The following ITGAM variants were observed in gnomAD, a reference collection of about 807,000 sequenced individuals.
The protein encoded by ITGAM is integrin alpha-M.
ITGAM carries 79 observed loss-of-function variants against 137.5 expected under a neutral mutation model. The ratio of observed to expected loss-of-function variants is 0.57; its 90% confidence interval spans 0.48 to 0.69. The LOEUF (loss-of-function observed/expected upper bound fraction) is 0.69, where lower values mean the gene tolerates loss of function less well. ITGAM is among the 30% of genes least tolerant of loss of function. The pLI, the probability that ITGAM is intolerant of heterozygous loss-of-function variation, is 0.00. For missense variants in ITGAM, 1,343 were observed against 1,483.5 expected, an observed-to-expected ratio of 0.91 and a Z score of 1.56; for synonymous variants, 583 against 592.3, an observed-to-expected ratio of 0.98 and a Z score of 0.23.
chr16:31,278,064 G>T lies in ITGAM; in HGVS notation c.1311G>T (p.Gln437His). The change falls in exon 12 of 30, where the codon CAG becomes CAT. Residue 437 changes from glutamine to histidine, a missense_variant. Physicochemically the swap from Gln to His is conservative, Grantham distance 24. Coordinates refer to ENST00000544665, the MANE Select transcript of ITGAM (RefSeq NM_000632.4). ...TCGGCCTGGTAGCGATGTTCAGGCAGAACACTGGCATGTGGGAGTCCAACG... is the reference window on the plus strand; with the variant it reads ...TCGGCCTGGTAGCGATGTTCAGGCATAACACTGGCATGTGGGAGTCCAACG... ...QHIGLVAMFRQNTGMWESNAN... is the reference protein window; with the variant it reads ...QHIGLVAMFRHNTGMWESNAN... The T allele has an allele frequency of 6.2e-7, 1 of 1,608,610 alleles. No homozygotes were observed. Among genetic ancestry groups the T allele is most frequent in the Non-Finnish European group, 8.5e-7 (1 of 1,177,618 alleles).
intron 8 of ITGAM, among the ~76,000 whole-genome samples, chr16:31,274,069 T>TC (rs2079880223): frequency 1.3e-5 from 2 of 152,184 alleles, no homozygotes; most frequent in Admixed American, 6.6e-5. Context: ...GATAACCAGG[T>TC]CCATGCAGGT....
chr16:31,282,703 A>G (rs1396722161), intron 12 of ITGAM, among the ~76,000 whole-genome samples: 1 of 152,202 alleles, frequency 6.6e-6, no homozygotes, highest in Non-Finnish European at 1.5e-5. Flanking sequence ...TAATTGGAGC[A>G]TTGAGCCCAT....
At chr16:31,317,129 A>T (rs1306595284) in intron 14 of ITGAM, among the ~76,000 whole-genome samples, 1 of 152,104 alleles carries the variant, frequency 6.6e-6, no homozygotes, top group Non-Finnish European at 1.5e-5. Flanking sequence ...GACTTTCAGT[A>T]CTGTGTTGAA....
At chr16:31,266,470 T>G (rs1057304648) in intron 5 of ITGAM, among the ~76,000 whole-genome samples, 1 of 150,194 alleles carries the variant, frequency 6.7e-6, no homozygotes. Flanking sequence ...ACCTGTAGTC[T>G]TAGCTATTTG....
Position 31,326,915 on chromosome 16 carries a change from C to T in ITGAM, c.2688C>T (p.Leu896=). 1.9e-6 allele frequency: 3 copies of T among 1,613,130 alleles called. No homozygotes were observed. The highest frequency in any genetic ancestry group is 1.1e-5 in the South Asian group (1 of 91,076). The change falls in exon 22 of 30, where the codon CTC becomes CTT. Residue 896 remains leucine (L), a synonymous_variant. Transcript: ENST00000544665. ...DSKASLGNKL[L]LKANVTSENN... Reference sequence around the variant, plus strand: ...AGGCTTCCCTTGGAAACAAACTGCTCCTCAAGGCCAATGTGACCAGGTGCT... The same window carrying T: ...AGGCTTCCCTTGGAAACAAACTGCTTCTCAAGGCCAATGTGACCAGGTGCT...
At chr16:31,325,726 C>T (rs2080502279) in intron 21 of ITGAM, 104 bp downstream of exon 21, 1 of 1,367,102 alleles carries the variant, frequency 7.3e-7, no homozygotes, top group East Asian at 2.4e-5. Flanking sequence ...TACAAAACAG[C>T]TTTATTGAGA....
chr16:31,323,440 A>G (rs1223522955), intron 16 of ITGAM, among the ~76,000 whole-genome samples: 2 of 151,988 alleles, frequency 1.3e-5, no homozygotes, highest in Non-Finnish European at 2.9e-5. Flanking sequence ...AAAAAAAAAA[A>G]AAATTCCCCA....
At chr16:31,329,749 C>T (rs1161227823) in intron 24 of ITGAM, 49 bp from the exon 25 acceptor site, 1 of 1,486,260 alleles carries the variant, frequency 6.7e-7, no homozygotes, top group Non-Finnish European at 9.2e-7. Flanking sequence ...ATTCTCCAGG[C>T]TGGTGGGGGA....
intron 14 of ITGAM, among the ~76,000 whole-genome samples, chr16:31,304,357 G>A (rs765095773): frequency 2.6e-5 from 4 of 152,062 alleles, no homozygotes; most frequent in Non-Finnish European, 5.9e-5. Context: ...TATAGTTTCT[G>A]GATAGTAGTC....
At chr16:31,299,765 T>TTCC (rs377637740) in intron 14 of ITGAM, among the ~76,000 whole-genome samples, 15,550 of 121,622 alleles carry the variant, frequency 0.13, 1,543 homozygotes, top group African/African-American at 0.26. Context: ...CCTCCTCCTC[T>TTCC]TCCTCCTCCT....
chr16:31,288,792 A>G (rs996974429), intron 12 of ITGAM, among the ~76,000 whole-genome samples: 6 of 152,360 alleles, frequency 3.9e-5, no homozygotes, highest in East Asian at 1.9e-4. Flanking sequence ...TCTGCACAGC[A>G]AAAGAAACTA....
chr16:31,292,402 C>T lies in ITGAM; in HGVS notation c.1357-5112C>T, dbSNP rs536520948. On this transcript the variant is annotated intron_variant, in intron 12 of 29. Coordinates refer to ENST00000544665, the MANE Select transcript of ITGAM (RefSeq NM_000632.4). ...GTATCCAATGGTTATTTTTTCTGCT[C>T]CTGCCTCCTCCCAACCTCCACCCTC... 1.9e-3 allele frequency among the ~76,000 whole-genome samples: 289 copies of T among 151,890 alleles called. 7 individuals are homozygous for T. The highest frequency in any genetic ancestry group is 5.5e-4 in the Non-Finnish European group (37 of 67,834).
Position 31,331,194 on chromosome 16 carries a change from C to G in ITGAM, c.3306C>G (p.Val1102=). 1 of 1,612,812 alleles carries G rather than the reference C, an allele frequency of 6.2e-7. No individual in the cohort carries two copies. The highest frequency in any genetic ancestry group is 8.5e-7 in the Non-Finnish European group (1 of 1,179,118). Residue 1102 remains valine, a synonymous_variant, in exon 29 of 30, where the codon GTC becomes GTG. Coordinates refer to ENST00000544665, the MANE Select transcript of ITGAM (RefSeq NM_000632.4). The part of the protein sequence containing the change: ...QTETKVEPFE[V]PNPLPLIVGS... Reference sequence around the variant, plus strand: ...AGACCAAAGTGGAGCCGTTCGAGGTCCCCAACCCCCTGCCGCTCATCGTGG... The same window carrying G: ...AGACCAAAGTGGAGCCGTTCGAGGTGCCCAACCCCCTGCCGCTCATCGTGG...
At chr16:31,329,748 G>C in intron 24 of ITGAM, 50 bp from the exon 25 acceptor site, 1 of 1,486,598 alleles carries the variant, frequency 6.7e-7, no homozygotes, top group Non-Finnish European at 9.2e-7. Flanking sequence ...GATTCTCCAG[G>C]CTGGTGGGGG....
At chr16:31,287,985 T>C (rs2080046991) in intron 12 of ITGAM, among the ~76,000 whole-genome samples, 4 of 152,104 alleles carry the variant, frequency 2.6e-5, no homozygotes, top group Admixed American at 2.6e-4. Context: ...GGGTGATAGA[T>C]GCTTAAAGTG....
At chr16:31,268,651 A>T (rs1177263026) in intron 5 of ITGAM, among the ~76,000 whole-genome samples, 1 of 152,148 alleles carries the variant, frequency 6.6e-6, no homozygotes, top group Non-Finnish European at 1.5e-5. Context: ...TTTTCTAAGA[A>T]CCTTCTGTGG....
intron 5 of ITGAM, among the ~76,000 whole-genome samples, chr16:31,270,343 C>A (rs1189734293): frequency 1.3e-5 from 2 of 151,798 alleles, no homozygotes; most frequent in East Asian, 3.9e-4. Context: ...CTCAAGTGAT[C>A]CACCTGCCTC....
In ITGAM at chr16:31,332,589, G is replaced by A. The variant is rs1047682889; in HGVS notation, c.*882G>A. On this transcript the variant is annotated 3_prime_UTR_variant, in exon 30 of 30. Coordinates refer to ENST00000544665, the MANE Select transcript of ITGAM (RefSeq NM_000632.4). ...GACAGATTCCAGGCGATGTGCAAGT[G>A]TATGCACGTGTGCACACACACCACA... is the stretch of plus-strand genomic sequence containing the variant. 1 of 152,200 alleles carries A rather than the reference G, an allele frequency of 6.6e-6. No individual in the cohort carries two copies. The highest frequency in any genetic ancestry group is 6.5e-5 in the Admixed American group (1 of 15,290). The allele number at this position is 152,200 out of a possible 1,614,324, so 9.4% of individuals were successfully genotyped here.
intron 14 of ITGAM, among the ~76,000 whole-genome samples, chr16:31,315,174 T>C (rs1300805459): frequency 1.3e-5 from 2 of 152,168 alleles, no homozygotes; most frequent in Non-Finnish European, 2.9e-5. Flanking sequence ...TTATGTGTTA[T>C]GGATATTAAC....
Sources: gnomAD v4.1 joint callset for allele counts (sites outside exome capture counted in the v4.1 genomes callset) on GRCh38, gnomAD v4.1.1 for gene constraint, MANE v1.5 for transcripts, NCBI Gene and HGNC (gene_info 2026-07-23, HGNC 2026-07-21) for gene names.